Variants in CNTN5 observed in about 807,000 individuals in gnomAD.
The protein encoded by CNTN5 is contactin-5.
A neutral mutation model predicts 129.1 loss-of-function variants in CNTN5; 77 were observed. That is an observed-to-expected ratio of 0.60 (90% CI 0.50 to 0.72). The LOEUF is 0.72. CNTN5 is among the 30% of genes least tolerant of loss of function. The probability of loss-of-function intolerance (pLI) is 0.00; values close to 1 mark genes in which losing one functional copy is unlikely to be tolerated. For missense variants in CNTN5, 1,478 were observed against 1,328.8 expected (o/e 1.11, Z -1.75); for synonymous variants, 509 against 465.6 (o/e 1.09, Z -1.20).
chr11:99,519,289 G>A (rs1947181081), intron 2 of CNTN5, among the ~76,000 whole-genome samples: 1 of 151,934 alleles, frequency 6.6e-6, no homozygotes, highest in Non-Finnish European at 1.5e-5. Flanking sequence ...TCTCCCTGCT[G>A]GGTCAAATTC....
chr11:99,382,719 T>C (rs934358252), intron 2 of CNTN5, among the ~76,000 whole-genome samples: 5 of 152,038 alleles, frequency 3.3e-5, no homozygotes, highest in Non-Finnish European at 7.4e-5. Context: ...TTCTTCACTG[T>C]CCTTTAATGT....
chr11:99,601,028 G>A (rs1320817400), intron 3 of CNTN5, among the ~76,000 whole-genome samples: 3 of 152,010 alleles, frequency 2.0e-5, no homozygotes, highest in African/African-American at 7.2e-5. Flanking sequence ...TACTTTTTGT[G>A]TTTGTTTGTC....
intron 18 of CNTN5, among the ~76,000 whole-genome samples, chr11:100,295,930 T>G (rs1350943495): frequency 1.3e-5 from 2 of 151,536 alleles, no homozygotes; most frequent in Admixed American, 1.3e-4. Flanking sequence ...TGTATGTGTG[T>G]GTATATACAT....
chr11:99,794,154 T>G (rs1945851066), intron 3 of CNTN5, among the ~76,000 whole-genome samples: 1 of 151,208 alleles, frequency 6.6e-6, no homozygotes, highest in Non-Finnish European at 1.5e-5. Flanking sequence ...TTGAACCATT[T>G]ACTGTAAGGT....
chr11:99,269,050 A>G (rs941317986), intron 1 of CNTN5, among the ~76,000 whole-genome samples: 4 of 151,980 alleles, frequency 2.6e-5, no homozygotes, highest in African/African-American at 9.7e-5. Context: ...ACAAGCAAGG[A>G]TAGATTTCCT....
chr11:99,542,352 C>T (rs1468972689), intron 2 of CNTN5, among the ~76,000 whole-genome samples: 1 of 152,180 alleles, frequency 6.6e-6, no homozygotes, highest in Non-Finnish European at 1.5e-5. Flanking sequence ...CTGGTAACCA[C>T]TGTTCTGTTC....
chr11:99,689,530 G>GAAAA (rs368912453), intron 3 of CNTN5, among the ~76,000 whole-genome samples: 2,341 of 92,882 alleles, frequency 0.025, 126 homozygotes, highest in African/African-American at 0.033. Context: ...CCTCAAAAAA[G>GAAAA]AAAAAAAAAA....
At chr11:99,280,033 T>C (rs976367240) in intron 1 of CNTN5, among the ~76,000 whole-genome samples, 3 of 151,752 alleles carry the variant, frequency 2.0e-5, no homozygotes, top group Non-Finnish European at 2.9e-5. Flanking sequence ...TTAAAGGTAA[T>C]ATAGTTTTCT....
intron 1 of CNTN5, among the ~76,000 whole-genome samples, chr11:99,083,233 G>A (rs1865879240): frequency 6.6e-6 from 1 of 151,938 alleles, no homozygotes; most frequent in African/African-American, 2.4e-5. Context: ...ATATTCTTCA[G>A]TGTTCTTCCC....
At chr11:99,987,865 T>G (rs1035948162) in intron 8 of CNTN5, among the ~76,000 whole-genome samples, 1 of 152,162 alleles carries the variant, frequency 6.6e-6, no homozygotes, top group Non-Finnish European at 1.5e-5. Context: ...TTTCTATTAT[T>G]TAAAATAGGG....
rs552798137 is a variant in CNTN5, at chr11:99,217,235, AAAAC to A, written c.-209-108107_-209-108104del. Among the ~76,000 whole-genome samples the A allele has an allele frequency of 3.5e-3, 523 of 148,942 alleles. 4 individuals are homozygous for A. Among genetic ancestry groups the A allele is most frequent in the African/African-American group, 0.013 (508 of 40,200 alleles). On this transcript the variant is annotated intron_variant, in intron 1 of 24. Coordinates refer to ENST00000524871, the MANE Select transcript of CNTN5 (RefSeq NM_014361.4). Reference sequence around the variant, plus strand: ...AGGAACTCAATAGCTCAATAGGAAAAAAACAAATAATATGAGTAAAATATCGGCA... The same window carrying A: ...AGGAACTCAATAGCTCAATAGGAAAAAAATAATATGAGTAAAATATCGGCA...
intron 4 of CNTN5, among the ~76,000 whole-genome samples, chr11:99,824,270 C>T (rs373359150): frequency 1.3e-5 from 2 of 152,098 alleles, no homozygotes; most frequent in South Asian, 2.1e-4. Flanking sequence ...TCGTATTTCT[C>T]CACATTGTCA....
At chr11:99,571,551 G>C (rs7950609) in intron 3 of CNTN5, among the ~76,000 whole-genome samples, 13,189 of 152,222 alleles carry the variant, frequency 0.087, 860 homozygotes, top group African/African-American at 0.18. Context: ...CTGAATTAAA[G>C]ACTCAGCTAT....
intron 2 of CNTN5, among the ~76,000 whole-genome samples, chr11:99,461,871 T>C (rs1413817675): frequency 2.0e-5 from 3 of 152,344 alleles, no homozygotes; most frequent in East Asian, 3.9e-4. Flanking sequence ...TATCAGATTA[T>C]GTATTTATCA....
chr11:99,633,401 T>C (rs1282358774), intron 3 of CNTN5, among the ~76,000 whole-genome samples: 1 of 152,226 alleles, frequency 6.6e-6, no homozygotes, highest in Non-Finnish European at 1.5e-5. Flanking sequence ...ATTTCTCACA[T>C]GTCTAATAAA....
intron 10 of CNTN5, 167 bp from the exon 11 acceptor site, chr11:100,070,257 C>A: frequency 3.9e-6 from 2 of 515,382 alleles, no homozygotes; most frequent in South Asian, 4.2e-5. Context: ...TTTGGGGGTA[C>A]AGGAAATAGA....
chr11:99,040,447 A>G (rs1287358088), intron 1 of CNTN5, among the ~76,000 whole-genome samples: 1 of 152,142 alleles, frequency 6.6e-6, no homozygotes, highest in East Asian at 1.9e-4. Flanking sequence ...TTACCATAAT[A>G]TGGATACTTG....
At chr11:99,290,509 A>G (rs1165933444) in intron 1 of CNTN5, among the ~76,000 whole-genome samples, 6 of 151,870 alleles carry the variant, frequency 4.0e-5, no homozygotes, top group African/African-American at 1.4e-4. Context: ...TAACATAGAC[A>G]GAGGTGGTGT....
intron 13 of CNTN5, among the ~76,000 whole-genome samples, chr11:100,189,261 T>C (rs920369549): frequency 6.5e-5 from 9 of 138,256 alleles, no homozygotes; most frequent in Non-Finnish European, 1.4e-4. Context: ...ATAAATAAGT[T>C]GAATTAAAAA....
Sources: gnomAD v4.1 joint callset for allele counts (sites outside exome capture counted in the v4.1 genomes callset) on GRCh38, gnomAD v4.1.1 for gene constraint, MANE v1.5 for transcripts, NCBI Gene and HGNC (gene_info 2026-07-23, HGNC 2026-07-21) for gene names.